Variants in PRKAG2 observed in about 807,000 individuals in gnomAD.
PRKAG2 encodes 5'-AMP-activated protein kinase subunit gamma-2.
Under a neutral mutation model 69.6 loss-of-function variants are expected in PRKAG2, and 26 were observed. The ratio of observed to expected loss-of-function variants is 0.37; its 90% CI spans 0.27 to 0.52. The LOEUF (loss-of-function observed/expected upper bound fraction) is 0.52. PRKAG2 is among the 20% of genes least tolerant of loss of function. The pLI, the probability that PRKAG2 is intolerant of heterozygous loss-of-function variation, is 0.90. For synonymous variants in PRKAG2, 293 were observed against 285.0 expected, an observed-to-expected ratio of 1.03 and a Z score of -0.28; for missense variants, 557 against 740.0, an observed-to-expected ratio of 0.75 and a Z score of 2.87.
intron 1 of PRKAG2, among the ~76,000 whole-genome samples, chr7:151,798,553 G>C (rs1264502127): frequency 6.6e-6 from 1 of 152,184 alleles, no homozygotes; most frequent in Non-Finnish European, 1.5e-5. Flanking sequence ...GGGCTCAAGG[G>C]ATATACCTGC....
chr7:151,683,463 T>A (rs916137032), intron 3 of PRKAG2, among the ~76,000 whole-genome samples: 6 of 152,076 alleles, frequency 3.9e-5, no homozygotes, highest in Non-Finnish European at 8.8e-5. Flanking sequence ...ATCCGGCCCC[T>A]CCACTGCGTA....
At chr7:151,806,050 G>C (rs1290029210) in intron 1 of PRKAG2, among the ~76,000 whole-genome samples, 1 of 152,198 alleles carries the variant, frequency 6.6e-6, no homozygotes, top group Non-Finnish European at 1.5e-5. Flanking sequence ...TTAGCTGGGC[G>C]TGGTGGTGGC....
intron 4 of PRKAG2, among the ~76,000 whole-genome samples, chr7:151,635,899 G>A (rs1436956361): frequency 1.4e-5 from 2 of 145,146 alleles, no homozygotes; most frequent in Admixed American, 7.1e-5. Context: ...ACGGAGTCTC[G>A]CTTTGTCCCC....
chr7:151,777,540 T>C lies in PRKAG2; in HGVS notation c.466+3612A>G, dbSNP rs1435917707. On this transcript the variant is annotated intron_variant, in intron 3 of 15. Coordinates refer to ENST00000287878, the MANE Select transcript of PRKAG2 (RefSeq NM_016203.4). The surrounding 1 kb of genome is among the most constrained non-coding windows in gnomAD (Gnocchi z 4.3). ...TACCTCCCCCCTCTCTCTTGCTCCCTTGCGTGTGAGCTCTGCATACCCCGG... is the reference window on the plus strand; with the variant it reads ...TACCTCCCCCCTCTCTCTTGCTCCCCTGCGTGTGAGCTCTGCATACCCCGG... Among the ~76,000 whole-genome samples, 1 of 152,176 alleles carries C rather than the reference T, an allele frequency of 6.6e-6. No individual in the cohort carries two copies. Among genetic ancestry groups the C allele is most frequent in the African/African-American group, 2.4e-5 (1 of 41,446 alleles).
rs1585071038 is a variant in PRKAG2, at chr7:151,588,586, C to A, written c.864+6759G>T. On this transcript the variant is annotated intron_variant, in intron 6 of 15. Transcript: ENST00000287878. ...TGTTGGCCAGGCTGGTCTCAAAATC[C>A]AGGCCTCAAGTGATCCACCTGCCTC... Among the ~76,000 whole-genome samples, 3 of 152,112 alleles carry A rather than the reference C, an allele frequency of 2.0e-5. No individual in the cohort carries two copies. In the South Asian group the frequency reaches 6.2e-4, roughly 32 times the overall value.
intron 3 of PRKAG2, among the ~76,000 whole-genome samples, chr7:151,715,626 G>A (rs146626527): frequency 2.6e-5 from 4 of 152,242 alleles, no homozygotes; most frequent in East Asian, 1.9e-4. Context: ...AAAGTGCTGC[G>A]ATTACAAGCG....
At chr7:151,812,068 A>T (rs972304666) in intron 1 of PRKAG2, among the ~76,000 whole-genome samples, 3 of 152,196 alleles carry the variant, frequency 2.0e-5, no homozygotes, top group Admixed American at 2.0e-4. Flanking sequence ...CTAATAATCA[A>T]TCAATCAATA....
chr7:151,698,629 A>G (rs1030472494), intron 3 of PRKAG2, among the ~76,000 whole-genome samples: 22 of 152,104 alleles, frequency 1.4e-4, no homozygotes, highest in African/African-American at 5.1e-4. Flanking sequence ...CATGACTGGA[A>G]GCTTCCTGAG....
rs1156432364 is a variant in PRKAG2 at position 151,756,806 on chromosome 7, G to A, written c.466+24346C>T. 2.0e-5 allele frequency among the ~76,000 whole-genome samples: 3 copies of A among 152,068 alleles called. No homozygotes were observed. Among genetic ancestry groups the A allele is most frequent in the African/African-American group, 7.2e-5 (3 of 41,390 alleles). Reference sequence around the variant, plus strand: ...GCTCTTTCCTCACCTTTATAACCACGCAGCCACATAATCAGAACTGTGACG... The same window carrying A: ...GCTCTTTCCTCACCTTTATAACCACACAGCCACATAATCAGAACTGTGACG... On this transcript the variant is annotated intron_variant, in intron 3 of 15. Transcript: ENST00000287878. This position sits in a 1 kb window ranked among gnomAD's most constrained non-coding sequence, Gnocchi z 4.9.
At chr7:151,569,327 G>A (rs950008750) in intron 10 of PRKAG2, among the ~76,000 whole-genome samples, 7 of 151,976 alleles carry the variant, frequency 4.6e-5, no homozygotes, top group East Asian at 3.8e-4. Flanking sequence ...GAGCCCTTGC[G>A]CCCAGCCAGG....
At chr7:151,560,296 C>A in intron 15 of PRKAG2, 1 of 1,434,114 alleles carries the variant, frequency 7.0e-7, no homozygotes, top group Non-Finnish European at 9.2e-7. Flanking sequence ...GGCCACTGGA[C>A]CTTGATAGGA....
At chr7:151,606,177 G>A (rs192382202) in intron 5 of PRKAG2, among the ~76,000 whole-genome samples, 2 of 152,224 alleles carry the variant, frequency 1.3e-5, no homozygotes, top group East Asian at 3.9e-4. Context: ...TTACAGGCGT[G>A]AGCCACCTAC....
intron 1 of PRKAG2, among the ~76,000 whole-genome samples, chr7:151,812,531 T>A (rs191431508): frequency 1.2e-4 from 19 of 152,248 alleles, no homozygotes; most frequent in Admixed American, 6.5e-5. Flanking sequence ...AGTGAGGAGG[T>A]CAAGACCAAG....
At chr7:151,864,961 T>C (rs2080024752) in intron 1 of PRKAG2, among the ~76,000 whole-genome samples, 1 of 152,144 alleles carries the variant, frequency 6.6e-6, no homozygotes, top group Non-Finnish European at 1.5e-5. Flanking sequence ...AGGATATACT[T>C]TAAATAGCAT....
intron 4 of PRKAG2, 148 bp downstream of exon 4, chr7:151,675,272 C>T: frequency 1.2e-6 from 1 of 834,876 alleles, no homozygotes; most frequent in Middle Eastern, 2.2e-4. Context: ...TCTCCCTCAG[C>T]CTGTGATTTA....
At chr7:151,582,241 C>T (rs1810652808) in intron 6 of PRKAG2, among the ~76,000 whole-genome samples, 1 of 152,138 alleles carries the variant, frequency 6.6e-6, no homozygotes, top group South Asian at 2.1e-4. Flanking sequence ...TCTCAACCTC[C>T]TGGGTTCAAG....
At chr7:151,557,275 C>T in intron 15 of PRKAG2, 43 bp from the exon 16 acceptor site, 1 of 1,613,818 alleles carries the variant, frequency 6.2e-7, no homozygotes, top group Non-Finnish European at 8.5e-7. Flanking sequence ...CTCATGGTAA[C>T]AGCAGGGTTC....
chr7:151,862,379 T>C (rs184898507), intron 1 of PRKAG2, among the ~76,000 whole-genome samples: 33 of 152,378 alleles, frequency 2.2e-4, no homozygotes, highest in Admixed American at 1.1e-3. Context: ...GAAAATGTTC[T>C]CTTTGAGGTA....
chr7:151,799,147 G>T (rs1467420925), intron 1 of PRKAG2, among the ~76,000 whole-genome samples: 1 of 152,196 alleles, frequency 6.6e-6, no homozygotes, highest in African/African-American at 2.4e-5. Context: ...AGGGTGTTAG[G>T]ATGGAAATGG....
Sources: gnomAD v4.1 joint callset for allele counts (sites outside exome capture counted in the v4.1 genomes callset) on GRCh38, gnomAD v4.1.1 for gene constraint, Gnocchi (gnomAD v3.1) non-coding constraint, MANE v1.5 for transcripts, NCBI Gene and HGNC (gene_info 2026-07-23, HGNC 2026-07-21) for gene names.